FGF12: variants seen among roughly 807,000 people sequenced by gnomAD.
FGF12 encodes fibroblast growth factor 12, also known as fibroblast growth factor 12B.
In FGF12, 14 loss-of-function variants were observed where a neutral mutation model predicts 23.6. That is an observed-to-expected ratio of 0.59 (90% CI 0.39 to 0.93). FGF12 has a LOEUF of 0.93. Among genes scored for constraint, FGF12 ranks in the 40% least tolerant of loss-of-function variants. The probability of loss-of-function intolerance (pLI) is 0.00; values close to 1 mark genes in which losing one functional copy is unlikely to be tolerated. For missense variants in FGF12, 175 were observed against 217.8 expected, an observed-to-expected ratio of 0.80 and a Z score of 1.24; for synonymous variants, 62 against 77.3, an observed-to-expected ratio of 0.80 and a Z score of 1.04.
rs188092536 is a variant in FGF12 at position 192,284,446 on chromosome 3, G to A, written c.228+50915C>T. 2.3e-3 allele frequency among the ~76,000 whole-genome samples: 344 copies of A among 152,110 alleles called. 1 individual carries two copies. Among genetic ancestry groups the A allele is most frequent in the African/African-American group, 7.7e-3 (321 of 41,530 alleles). On this transcript the variant is annotated intron_variant, in intron 4 of 5. Coordinates refer to ENST00000445105, the MANE Select transcript of FGF12 (RefSeq NM_004113.6). The stretch of plus-strand genomic sequence containing the variant: ...TACACCAGAAGTTTCCAACACAAAT[G>A]TAAAAAACATAGTATTACCTTTGCA...
intron 4 of FGF12, among the ~76,000 whole-genome samples, chr3:192,231,488 G>A (rs926477525): frequency 1.3e-5 from 2 of 152,176 alleles, no homozygotes; most frequent in African/African-American, 4.8e-5. Context: ...TGCAGTTTTT[G>A]GCCAGGTGCA....
chr3:192,408,503 C>T lies in FGF12; in HGVS notation c.14-47965G>A. On this transcript the variant is annotated intron_variant, in intron 2 of 5. Coordinates refer to ENST00000445105, the MANE Select transcript of FGF12 (RefSeq NM_004113.6). This position sits in a 1 kb window ranked among gnomAD's most constrained non-coding sequence, Gnocchi z 7.3. The stretch of plus-strand genomic sequence containing the variant: ...GTCCCAGGCCCTCTTGCGAAGTAGA[C>T]GTTTGCACCCCAAACTTGCACCCCA... The T allele has an allele frequency of 7.9e-7, 1 of 1,257,866 alleles. No homozygotes were observed. The highest frequency in any genetic ancestry group is 1.0e-6 in the Non-Finnish European group (1 of 1,000,232). 77.9% of individuals were successfully genotyped at this position (1,257,866 alleles called of 1,614,324 possible).
chr3:192,227,580 T>TAAAA (rs778525112), intron 4 of FGF12, among the ~76,000 whole-genome samples: 4 of 60,266 alleles, frequency 6.6e-5, no homozygotes, highest in Non-Finnish European at 1.5e-4. Flanking sequence ...GAACTTAAAG[T>TAAAA]AAAAAAAAAA....
At chr3:192,374,856 T>A (rs139028251) in intron 2 of FGF12, among the ~76,000 whole-genome samples, 5 of 152,346 alleles carry the variant, frequency 3.3e-5, no homozygotes, top group African/African-American at 9.6e-5. Flanking sequence ...AACCAGGTAC[T>A]CATCACCCAT....
At chr3:192,306,117 T>C (rs1330817311) in intron 4 of FGF12, among the ~76,000 whole-genome samples, 1 of 151,978 alleles carries the variant, frequency 6.6e-6, no homozygotes, top group Non-Finnish European at 1.5e-5. Context: ...GTCTCTAAGG[T>C]TTTTATGTGG....
At chr3:192,485,056 A>AAAATTTTAAATTT (rs1723594419) in intron 2 of FGF12, among the ~76,000 whole-genome samples, 2 of 127,372 alleles carry the variant, frequency 1.6e-5, no homozygotes, top group Admixed American at 1.4e-4. Flanking sequence ...TTTAAATTTT[A>AAAATTTTAAATTT]TATGTGTACA....
intron 3 of FGF12, among the ~76,000 whole-genome samples, chr3:192,353,544 T>C (rs1718325259): frequency 6.6e-6 from 1 of 152,018 alleles, no homozygotes; most frequent in Admixed American, 6.6e-5. Context: ...TAATTTTTTA[T>C]ATTTTTAGTA....
intron 2 of FGF12, among the ~76,000 whole-genome samples, chr3:192,708,269 G>A (rs6801152): frequency 0.73 from 111,427 of 152,066 alleles, 42,108 homozygotes; most frequent in African/African-American, 0.92. Flanking sequence ...AATAGGATCC[G>A]TTATTTAGAG....
chr3:192,544,976 A>G (rs1577046187), intron 2 of FGF12, among the ~76,000 whole-genome samples: 1 of 152,238 alleles, frequency 6.6e-6, no homozygotes, highest in East Asian at 1.9e-4. Context: ...GGAAGAGGAG[A>G]TGGAGGAGAA....
chr3:192,678,938 C>T (rs1007791032), intron 2 of FGF12, among the ~76,000 whole-genome samples: 1 of 152,158 alleles, frequency 6.6e-6, no homozygotes, highest in Non-Finnish European at 1.5e-5. Context: ...GCTGGGCCTA[C>T]TCCAGAGTTT....
chr3:192,288,778 C>T (rs1714601067), intron 4 of FGF12, among the ~76,000 whole-genome samples: 1 of 152,048 alleles, frequency 6.6e-6, no homozygotes, highest in Admixed American at 6.6e-5. Flanking sequence ...GAACATGGGA[C>T]CTGGTTATAA....
chr3:192,490,948 G>A (rs147523939), intron 2 of FGF12, among the ~76,000 whole-genome samples: 132 of 152,184 alleles, frequency 8.7e-4, no homozygotes, highest in Middle Eastern at 3.4e-3. Context: ...TCTAATCTAC[G>A]TCATAGTCAC....
chr3:192,410,210 A>G (rs1313932619), intron 2 of FGF12, among the ~76,000 whole-genome samples: 1 of 152,194 alleles, frequency 6.6e-6, no homozygotes, highest in Admixed American at 6.5e-5. Flanking sequence ...AGCGCGCTCT[A>G]GTCAGGTTCC....
At chr3:192,615,241 A>G (rs540591453) in intron 2 of FGF12, among the ~76,000 whole-genome samples, 30 of 152,144 alleles carry the variant, frequency 2.0e-4, no homozygotes, top group Non-Finnish European at 3.8e-4. Flanking sequence ...TGTTATGCCA[A>G]GATAAACAAC....
intron 2 of FGF12, among the ~76,000 whole-genome samples, chr3:192,628,442 TAC>T (rs60991895): frequency 0.15 from 19,826 of 134,588 alleles, 1,395 homozygotes; most frequent in Non-Finnish European, 0.17. Flanking sequence ...ACCAAAGGAA[TAC>T]ACACACACAC....
chr3:192,249,289 A>C (rs929144359), intron 4 of FGF12, among the ~76,000 whole-genome samples: 2 of 152,196 alleles, frequency 1.3e-5, no homozygotes, highest in African/African-American at 4.8e-5. Flanking sequence ...TCATTTTAAA[A>C]ACTTGTCTGA....
intron 3 of FGF12, among the ~76,000 whole-genome samples, chr3:192,349,701 T>C (rs1280126561): frequency 6.6e-6 from 1 of 152,112 alleles, no homozygotes; most frequent in African/African-American, 2.4e-5. Context: ...CATACTCAAT[T>C]TTCTTCCTAT....
At chr3:192,609,684 C>A (rs1330218061) in intron 2 of FGF12, among the ~76,000 whole-genome samples, 2 of 152,042 alleles carry the variant, frequency 1.3e-5, no homozygotes, top group Non-Finnish European at 2.9e-5. Flanking sequence ...TTGTTATGGC[C>A]TCATATGTTG....
intron 4 of FGF12, among the ~76,000 whole-genome samples, chr3:192,321,027 T>C (rs1276900439): frequency 6.6e-6 from 1 of 152,060 alleles, no homozygotes; most frequent in Admixed American, 6.5e-5. Flanking sequence ...TGTTGGTTTT[T>C]TGAAAAGATA....
Sources: allele counts gnomAD v4.1 joint callset (sites outside exome capture counted in the v4.1 genomes callset), GRCh38; gene constraint gnomAD v4.1.1; non-coding constraint Gnocchi (gnomAD v3.1); transcripts MANE v1.5; gene names NCBI Gene and HGNC (gene_info 2026-07-23, HGNC 2026-07-21).